Variants in SSU72 observed in about 807,000 individuals in gnomAD.
SSU72 encodes SSU72 homolog, RNA polymerase II CTD phosphatase, also known as RNA polymerase II subunit A C-terminal domain phosphatase SSU72.
SSU72 carries 12 observed loss-of-function variants against 22.7 expected under a neutral mutation model. That is an observed-to-expected ratio of 0.53 (90% CI 0.34 to 0.86). The LOEUF is 0.86. SSU72 is among the 40% of genes least tolerant of loss of function. SSU72 has a pLI of 0.02. For missense variants in SSU72, 151 were observed against 249.8 expected (o/e 0.60, Z 2.67); for synonymous variants, 116 against 98.3 (o/e 1.18, Z -1.06).
In SSU72 at chr1:1,554,132, A is replaced by C. The variant is rs1439878621; in HGVS notation, c.225-9130T>G. ...TGGAGCGGTTGTGAGATTCACCATCAGCAAAAAGTGAAGCTGAGCACGAGG... is the reference window on the plus strand; with the variant it reads ...TGGAGCGGTTGTGAGATTCACCATCCGCAAAAAGTGAAGCTGAGCACGAGG... On this transcript the variant is annotated intron_variant, in intron 2 of 4. Coordinates refer to ENST00000291386, the MANE Select transcript of SSU72 (RefSeq NM_014188.3). This position sits in a 1 kb window ranked among gnomAD's most constrained non-coding sequence, Gnocchi z 4.1. Among the ~76,000 whole-genome samples the C allele has an allele frequency of 6.6e-6, 1 of 152,230 alleles. No homozygotes were observed. Among genetic ancestry groups the C allele is most frequent in the African/African-American group, 2.4e-5 (1 of 41,466 alleles).
At chr1:1,573,612 G>C (rs1642767388) in intron 1 of SSU72, among the ~76,000 whole-genome samples, 1 of 151,992 alleles carries the variant, frequency 6.6e-6, no homozygotes, top group Non-Finnish European at 1.5e-5. Context: ...ACCGTGCCTG[G>C]CCCACGTGAC....
chr1:1,574,456 G>A, intron 1 of SSU72, 22 bp downstream of exon 1: 3 of 1,585,610 alleles, frequency 1.9e-6, no homozygotes, highest in Non-Finnish European at 2.6e-6. Flanking sequence ...GAGCGCGCGG[G>A]GACAGGGTGG....
chr1:1,553,183 A>C (rs905940960), intron 2 of SSU72, among the ~76,000 whole-genome samples: 13 of 152,152 alleles, frequency 8.5e-5, no homozygotes, highest in African/African-American at 2.9e-4. Context: ...ACTTGGACAG[A>C]AACCCTGGAT....
At chr1:1,543,507 A>T (rs1483190897) in intron 4 of SSU72, among the ~76,000 whole-genome samples, 1 of 151,964 alleles carries the variant, frequency 6.6e-6, no homozygotes, top group Non-Finnish European at 1.5e-5. Context: ...CTGTGGAGTG[A>T]CTCACTGAAC....
In SSU72 at chr1:1,542,168, C is replaced by CTG; in HGVS notation, c.484-3_484-2dup. The CTG allele has an allele frequency of 6.3e-7, 1 of 1,581,344 alleles. No individual in the cohort carries two copies. On this transcript the variant is annotated splice_acceptor_variant, in intron 4 of 4. Coordinates refer to ENST00000291386, the MANE Select transcript of SSU72 (RefSeq NM_014188.3). LOFTEE classifies it high-confidence loss of function. This position sits in a 1 kb window ranked among gnomAD's most constrained non-coding sequence, Gnocchi z 4.4. ...TCTCCATGTCTTCCGTGTGCTGGAT[C>CTG]TGCAAGGACAGGACCGTGGTGAGGG...
intron 1 of SSU72, among the ~76,000 whole-genome samples, chr1:1,568,280 G>C (rs1195407746): frequency 6.6e-6 from 1 of 152,180 alleles, no homozygotes; most frequent in East Asian, 1.9e-4. Context: ...ACAAGTATTT[G>C]TCTGGTATGC....
At chr1:1,544,071 C>A (rs111570453) in intron 3 of SSU72, 84 bp from the exon 4 acceptor site, 108 of 1,046,004 alleles carry the variant, frequency 1.0e-4, no homozygotes, top group Admixed American at 1.7e-4. Context: ...CCAGCTCTGC[C>A]GGCTGCAGGC....
chr1:1,547,215 G>A (rs1267342472), intron 2 of SSU72, among the ~76,000 whole-genome samples: 1 of 152,106 alleles, frequency 6.6e-6, no homozygotes. Flanking sequence ...AGACACAGCC[G>A]GGGGTGAGGC....
chr1:1,565,463 C>A (rs1325664216), intron 1 of SSU72, among the ~76,000 whole-genome samples: 1 of 152,258 alleles, frequency 6.6e-6, no homozygotes, highest in Admixed American at 6.5e-5. Context: ...AAAGGACTGA[C>A]TGATGTGGAC....
intron 1 of SSU72, among the ~76,000 whole-genome samples, chr1:1,571,627 T>C (rs953248346): frequency 6.6e-6 from 1 of 152,066 alleles, no homozygotes; most frequent in Non-Finnish European, 1.5e-5. Context: ...TATTCAGAGG[T>C]GCTCTCCGCT....
chr1:1,545,313 C>T, intron 2 of SSU72: 1 of 347,140 alleles, frequency 2.9e-6, no homozygotes, highest in South Asian at 3.4e-5. Flanking sequence ...GACCTCTCCC[C>T]TCACTGCTGG....
chr1:1,542,772 G>A lies in SSU72; in HGVS notation c.484-605C>T, dbSNP rs889721966. 2.6e-5 allele frequency among the ~76,000 whole-genome samples: 4 copies of A among 152,028 alleles called. No individual in the cohort carries two copies. The highest frequency in any genetic ancestry group is 2.1e-4 in the South Asian group (1 of 4,824). On this transcript the variant is annotated intron_variant, in intron 4 of 4. Coordinates refer to ENST00000291386, the MANE Select transcript of SSU72 (RefSeq NM_014188.3). The surrounding 1 kb of genome is among the most constrained non-coding windows in gnomAD (Gnocchi z 4.4). ...GGCCAACGTGACCCAAGCAGAAATC[G>A]TGCAATAACTTCTGGGACGACATTT...
chr1:1,546,132 G>A (rs553821244), intron 2 of SSU72: 2 of 152,400 alleles, frequency 1.3e-5, no homozygotes, highest in East Asian at 3.9e-4. Flanking sequence ...CCAAAGATGA[G>A]CTCTGTGGTC....
In SSU72 at chr1:1,574,570, A is replaced by G; in HGVS notation, c.-13T>C. 6.3e-7 allele frequency: 1 copy of G among 1,581,884 alleles called. No individual in the cohort carries two copies. The highest frequency in any genetic ancestry group is 8.6e-7 in the Non-Finnish European group (1 of 1,167,274). On this transcript the variant is annotated 5_prime_UTR_variant, in exon 1 of 5. Coordinates refer to ENST00000291386, the MANE Select transcript of SSU72 (RefSeq NM_014188.3). ...GGGACGACGGCATGGCGGCGGCCGC[A>G]AATCCCGCGGCTCTCCCGCTTGGGT...
chr1:1,551,559 A>T (rs3766175), intron 2 of SSU72, among the ~76,000 whole-genome samples: 75,579 of 151,966 alleles, frequency 0.5, 23,679 homozygotes, highest in East Asian at 0.87. Flanking sequence ...GTACACTCAG[A>T]TTCCCAGAGC....
chr1:1,573,921 G>C (rs953521204), intron 1 of SSU72, among the ~76,000 whole-genome samples: 1 of 151,876 alleles, frequency 6.6e-6, no homozygotes, highest in Admixed American at 6.6e-5. Context: ...CAGGCGGCCA[G>C]TTAGCAGGGA....
intron 2 of SSU72, among the ~76,000 whole-genome samples, chr1:1,550,836 C>T (rs1642447559): frequency 6.6e-6 from 1 of 152,200 alleles, no homozygotes; most frequent in South Asian, 2.1e-4. Flanking sequence ...ACCACTCACT[C>T]CACTGAACCA....
chr1:1,552,703 G>T (rs917834453), intron 2 of SSU72, among the ~76,000 whole-genome samples: 12 of 152,174 alleles, frequency 7.9e-5, no homozygotes, highest in Admixed American at 2.0e-4. Context: ...TCAGACTGAG[G>T]CTTAGTAGAC....
In SSU72 at chr1:1,553,414, C is replaced by T. The variant is rs142076286; in HGVS notation, c.225-8412G>A. On this transcript the variant is annotated intron_variant, in intron 2 of 4. Coordinates refer to ENST00000291386, the MANE Select transcript of SSU72 (RefSeq NM_014188.3). ...TTTTAAGGCTGAGGCAGGCAGATCA[C>T]GAGGTTAGGAAATCGAGATCATCCT... is the stretch of plus-strand genomic sequence containing the variant. 2.0e-3 allele frequency among the ~76,000 whole-genome samples: 307 copies of T among 152,122 alleles called. 1 individual carries two copies. The highest frequency in any genetic ancestry group is 6.8e-3 in the Middle Eastern group (2 of 294).
Sources: allele counts gnomAD v4.1 joint callset (sites outside exome capture counted in the v4.1 genomes callset), GRCh38; gene constraint gnomAD v4.1.1; non-coding constraint Gnocchi (gnomAD v3.1); transcripts MANE v1.5; gene names NCBI Gene and HGNC (gene_info 2026-07-23, HGNC 2026-07-21).